SEPTIN2: variants seen among roughly 807,000 people sequenced by gnomAD.
SEPTIN2 encodes septin 2, also known as septin-2.
A neutral mutation model predicts 46.5 loss-of-function variants in SEPTIN2; 34 were observed. The ratio of observed to expected loss-of-function variants is 0.73; its 90% CI spans 0.56 to 0.97. SEPTIN2 has a LOEUF of 0.97. SEPTIN2 is among the 50% of genes least tolerant of loss of function. SEPTIN2 has a pLI of 0.00. For missense variants in SEPTIN2, 347 were observed against 448.4 expected, an observed-to-expected ratio of 0.77 and a Z score of 2.04; for synonymous variants, 175 against 153.4, an observed-to-expected ratio of 1.14 and a Z score of -1.04.
intron 3 of SEPTIN2, among the ~76,000 whole-genome samples, chr2:241,332,395 CAAAT>C (rs1184737737): frequency 2.0e-5 from 3 of 152,064 alleles, no homozygotes; most frequent in Non-Finnish European, 4.4e-5. Flanking sequence ...GGAAGATAAA[CAAAT>C]AGCCAATAAA....
intron 11 of SEPTIN2, among the ~76,000 whole-genome samples, chr2:241,349,192 C>T (rs1318689155): frequency 1.3e-5 from 2 of 151,832 alleles, no homozygotes; most frequent in Non-Finnish European, 2.9e-5. Context: ...AGACCCCCCT[C>T]GTTCTCTAGA....
At chr2:241,349,443 C>T (rs1196703599) in intron 11 of SEPTIN2, among the ~76,000 whole-genome samples, 3 of 151,720 alleles carry the variant, frequency 2.0e-5, no homozygotes, top group Non-Finnish European at 2.9e-5. Flanking sequence ...CTTCATTGCC[C>T]TCCAGAAAAG....
At chr2:241,337,641 T>A (rs745364649) in intron 6 of SEPTIN2, 32 bp from the exon 7 acceptor site, 19 of 1,587,860 alleles carry the variant, frequency 1.2e-5, no homozygotes, top group East Asian at 4.5e-5. Flanking sequence ...GTATTTTTTT[T>A]AAATAAGTGA....
intron 7 of SEPTIN2, among the ~76,000 whole-genome samples, chr2:241,339,990 G>C (rs1210255153): frequency 6.6e-6 from 1 of 152,198 alleles, no homozygotes. Flanking sequence ...CATAATTGTT[G>C]TAATGAACAC....
At chr2:241,316,579 G>T (rs1487184388) in intron 1 of SEPTIN2, 4 of 1,479,790 alleles carry the variant, frequency 2.7e-6, no homozygotes, top group Non-Finnish European at 2.7e-6. Flanking sequence ...GCAGGGGGTA[G>T]GGTATAGGGT....
chr2:241,344,769 GAA>G (rs2081769087), intron 9 of SEPTIN2, among the ~76,000 whole-genome samples: 1 of 152,010 alleles, frequency 6.6e-6, no homozygotes, highest in African/African-American at 2.4e-5. Flanking sequence ...TTTTACTCTT[GAA>G]AAAAGAGGCT....
chr2:241,316,492 G>C, intron 1 of SEPTIN2: 1 of 1,507,586 alleles, frequency 6.6e-7, no homozygotes, highest in Non-Finnish European at 8.8e-7. Flanking sequence ...CGAGGGGAGA[G>C]CGACTAGGCC....
rs777493173 is a variant in SEPTIN2 at position 241,324,201 on chromosome 2, T to TG, written c.-17-15_-17-14insG. ...ATGTGCGTTTATGTGTGTCTGTGTGTTTTTTTTTTAACAGACGAAGCTTCA... is the reference window on the plus strand; with the variant it reads ...ATGTGCGTTTATGTGTGTCTGTGTGTGTTTTTTTTTAACAGACGAAGCTTCA... On this transcript the variant is annotated splice_polypyrimidine_tract_variant and intron_variant, in intron 1 of 12. Transcript: ENST00000391971. 2.4e-5 allele frequency: 34 copies of TG among 1,413,452 alleles called. No homozygotes were observed. In the East Asian group the frequency reaches 4.5e-4, roughly 19 times the overall value. The allele number at this position is 1,413,452 out of a possible 1,614,324, so 87.6% of individuals were successfully genotyped here.
intron 1 of SEPTIN2, among the ~76,000 whole-genome samples, chr2:241,319,425 G>A (rs2076828283): frequency 6.6e-6 from 1 of 152,320 alleles, no homozygotes; most frequent in Admixed American, 6.5e-5. Flanking sequence ...TTTGCTTTTT[G>A]TATAGGTCTT....
At chr2:241,338,910 AATAT>A (rs147584595) in intron 7 of SEPTIN2, among the ~76,000 whole-genome samples, 3 of 91,556 alleles carry the variant, frequency 3.3e-5, no homozygotes, top group Non-Finnish European at 5.9e-5. Context: ...TATTATATAT[AATAT>A]ATATAATTGT....
intron 1 of SEPTIN2, among the ~76,000 whole-genome samples, chr2:241,317,882 T>A (rs1248712149): frequency 6.6e-6 from 1 of 152,226 alleles, no homozygotes; most frequent in Non-Finnish European, 1.5e-5. Context: ...TTTAAACAAC[T>A]TCTGGCATGT....
intron 3 of SEPTIN2, among the ~76,000 whole-genome samples, chr2:241,334,715 T>A (rs1319621434): frequency 1.3e-5 from 2 of 152,186 alleles, no homozygotes; most frequent in African/African-American, 4.8e-5. Context: ...CACTATGGGA[T>A]AGATATGTTC....
chr2:241,349,826 A>G (rs1355578543), intron 11 of SEPTIN2, among the ~76,000 whole-genome samples: 1 of 151,928 alleles, frequency 6.6e-6, no homozygotes, highest in Admixed American at 6.6e-5. Flanking sequence ...GTCTTAAGAA[A>G]ATTTATCATA....
In SEPTIN2 at chr2:241,343,875, C is replaced by G. The variant is rs1284722265; in HGVS notation, c.820C>G (p.Leu274Val). ...GGAGAACCCAGAGCACAATGACTTTCTGAAGCTGAGAACCATGCTCATGTA... is the reference window on the plus strand; with the variant it reads ...GGAGAACCCAGAGCACAATGACTTTGTGAAGCTGAGAACCATGCTCATGTA... ...EVENPEHNDF[L>V]KLRTMLITHM... Residue 274 changes from leucine (L) to valine (V), a missense_variant, in exon 9 of 13, where the codon CTG becomes GTG. By Grantham distance (32) the Leu-to-Val change is conservative. Transcript: ENST00000391971. 1 of 1,614,214 alleles carries G rather than the reference C, an allele frequency of 6.2e-7. No homozygotes were observed. The highest frequency in any genetic ancestry group is 1.7e-5 in the Admixed American group (1 of 60,032).
intron 8 of SEPTIN2, among the ~76,000 whole-genome samples, 153 bp downstream of exon 8, chr2:241,343,246 C>T (rs1342999237): frequency 6.6e-6 from 1 of 152,192 alleles, no homozygotes; most frequent in Non-Finnish European, 1.5e-5. Flanking sequence ...TGCCTATAAT[C>T]CCAGCACTTT....
At chr2:241,316,450 TC>T in intron 1 of SEPTIN2, 1 of 1,503,058 alleles carries the variant, frequency 6.7e-7, no homozygotes, top group Non-Finnish European at 8.8e-7. Context: ...CCCCCAAACC[TC>T]CAAGCCCATC....
At position 241,326,029 on chromosome 2, in the gene SEPTIN2, G is replaced by A. The variant is rs752656102; in HGVS notation, c.46G>A (p.Gly16Ser). Residue 16 changes from glycine to serine, a missense_variant, in exon 3 of 13, where the codon GGC becomes AGC. Physicochemically the swap from Gly to Ser is moderately conservative, Grantham distance 56 (BLOSUM62 0). Coordinates refer to ENST00000391971, the MANE Select transcript of SEPTIN2 (RefSeq NM_004404.5). ...PTQFINPETP[G>S]YVGFANLPNQ... Reference sequence around the variant, plus strand: ...TCAGTTTATAAATCCAGAAACACCTGGCTATGTTGGATTTGCAAACCTCCC... The same window carrying A: ...TCAGTTTATAAATCCAGAAACACCTAGCTATGTTGGATTTGCAAACCTCCC... 6.8e-6 allele frequency: 11 copies of A among 1,613,506 alleles called. No individual in the cohort carries two copies. The highest frequency in any genetic ancestry group is 9.3e-6 in the Non-Finnish European group (11 of 1,179,668).
At chr2:241,338,993 A>AT (rs1275720395) in intron 7 of SEPTIN2, among the ~76,000 whole-genome samples, 5 of 104,022 alleles carry the variant, frequency 4.8e-5, no homozygotes, top group Admixed American at 4.0e-4. Context: ...TATATTTATA[A>AT]ATATATATAA....
rs2080000009 is a variant in SEPTIN2 at position 241,336,445 on chromosome 2, T to C, written c.341+347T>C. 1.3e-5 allele frequency: 3 copies of C among 239,238 alleles called. No individual in the cohort carries two copies. In the South Asian group the frequency reaches 2.1e-4, roughly 17 times the overall value. 14.8% of individuals were successfully genotyped at this position (239,238 alleles called of 1,614,324 possible). A position where few individuals can be genotyped will look rare whatever the true frequency, so the allele number is the denominator to read the frequency against. ...TGTTAGAGAGTGGGTTGAGTCGTAG[T>C]GTCTGTAAATGACTGCTCATTGGCA... On this transcript the variant is annotated intron_variant, in intron 5 of 12. Transcript: ENST00000391971.
Sources: allele counts gnomAD v4.1 joint callset (sites outside exome capture counted in the v4.1 genomes callset), GRCh38; gene constraint gnomAD v4.1.1; transcripts MANE v1.5; gene names NCBI Gene and HGNC (gene_info 2026-07-23, HGNC 2026-07-21).